SELENOO: variants seen among roughly 807,000 people sequenced by gnomAD.
The protein encoded by SELENOO is selenoprotein O.
Under a neutral mutation model 58.7 loss-of-function variants are expected in SELENOO, and 74 were observed. That is an observed-to-expected ratio of 1.26 (90% CI 1.04 to 1.53). The LOEUF is 1.53. Ranked by LOEUF, SELENOO falls within the 40% of genes most tolerant of loss-of-function variation. SELENOO has a pLI of 0.00. For synonymous variants in SELENOO, 543 were observed against 453.2 expected (o/e 1.20, Z -2.52); for missense variants, 1,149 against 970.0 (o/e 1.18, Z -2.45).
chr22:50,208,012 A>G (rs533556408), intron 2 of SELENOO, among the ~76,000 whole-genome samples: 7 of 151,196 alleles, frequency 4.6e-5, no homozygotes, highest in African/African-American at 1.7e-4. Context: ...GGGCCTGGTC[A>G]GTGGCTGGAT....
chr22:50,217,191 T>G lies in SELENOO; in HGVS notation c.1846-14T>G. The G allele has an allele frequency of 1.9e-6, 3 of 1,611,934 alleles. No homozygotes were observed. The highest frequency in any genetic ancestry group is 2.5e-6 in the Non-Finnish European group (3 of 1,179,152). The stretch of plus-strand genomic sequence containing the variant: ...GGTCGGCCCCAGACCCCTCTCACCC[T>G]CCTGATCCTCCAGGTGCGGCGGGTG... On this transcript the variant is annotated splice_polypyrimidine_tract_variant and intron_variant, in intron 8 of 8. Transcript: ENST00000380903.
intron 1 of SELENOO, among the ~76,000 whole-genome samples, chr22:50,202,861 G>C (rs1394884818): frequency 6.6e-6 from 1 of 152,162 alleles, no homozygotes; most frequent in Non-Finnish European, 1.5e-5. Flanking sequence ...CCAAGATTGA[G>C]GCTAACGTCT....
chr22:50,201,081 C>G lies in SELENOO; in HGVS notation c.45C>G (p.Ala15=). The G allele has an allele frequency of 2.2e-6, 3 of 1,366,844 alleles. No homozygotes were observed. The highest frequency in any genetic ancestry group is 2.8e-6 in the Non-Finnish European group (3 of 1,059,832). 84.7% of individuals were successfully genotyped at this position (1,366,844 alleles called of 1,614,324 possible). A position where few individuals can be genotyped will look rare whatever the true frequency, so the allele number is the denominator to read the frequency against. ...RAALGASLAA[A]RLLPLGRCSP... ...CGCTCGGGGCTTCGCTCGCGGCTGC[C>G]CGACTCTTGCCCCTCGGTCGCTGTT... is the stretch of plus-strand genomic sequence containing the variant. The change falls in exon 1 of 9, where the codon GCC becomes GCG. Residue 15 remains alanine, a synonymous_variant. Coordinates refer to ENST00000380903, the MANE Select transcript of SELENOO (RefSeq NM_031454.2).
chr22:50,215,630 GGGGGT>G, intron 5 of SELENOO, 82 bp from the exon 6 acceptor site: 1 of 1,204,644 alleles, frequency 8.3e-7, no homozygotes, highest in Non-Finnish European at 1.1e-6. Context: ...CCTGTGCCAG[GGGGGT>G]GGGGGGGGGG....
At chr22:50,213,089 C>T (rs906748516) in intron 5 of SELENOO, among the ~76,000 whole-genome samples, 1 of 152,174 alleles carries the variant, frequency 6.6e-6, no homozygotes, top group Non-Finnish European at 1.5e-5. Flanking sequence ...TAGACGGAGT[C>T]TTACTCTGTC....
chr22:50,208,365 G>A, intron 2 of SELENOO, 171 bp from the exon 3 acceptor site: 3 of 551,298 alleles, frequency 5.4e-6, no homozygotes, highest in South Asian at 4.6e-5. Flanking sequence ...AGAAGTTGGA[G>A]GTTGTGGTGA....
At position 50,210,170 on chromosome 22, in the gene SELENOO, T is replaced by G. The variant is rs2064358218; in HGVS notation, c.940-11T>G. 8 of 1,612,148 alleles carry G rather than the reference T, an allele frequency of 5.0e-6. No individual in the cohort carries two copies. The highest frequency in any genetic ancestry group is 1.7e-4 in the Middle Eastern group (1 of 5,982). On this transcript the variant is annotated splice_polypyrimidine_tract_variant and intron_variant, in intron 3 of 8. Transcript: ENST00000380903. ...CCCCGAGGAGGGAGCAAGCACACTG[T>G]CCCACCCCAGGTGACGCGGCGCACG...
chr22:50,210,501 C>T, intron 4 of SELENOO, 130 bp from the exon 5 acceptor site: 1 of 1,425,510 alleles, frequency 7.0e-7, no homozygotes, highest in Admixed American at 1.9e-5. Flanking sequence ...GAGACAGGAC[C>T]CCTGTGGGAC....
At chr22:50,216,948 T>G (rs1223281449) in intron 7 of SELENOO, 24 bp from the exon 8 acceptor site, 2 of 1,604,966 alleles carry the variant, frequency 1.2e-6, no homozygotes, top group African/African-American at 2.7e-5. Context: ...CGGCTGTGAC[T>G]CCAGAGCCCG....
At chr22:50,210,105 G>C in intron 3 of SELENOO, 76 bp from the exon 4 acceptor site, 1 of 1,543,918 alleles carries the variant, frequency 6.5e-7, no homozygotes, top group Non-Finnish European at 8.8e-7. Flanking sequence ...CGGTTTCAGG[G>C]AGGGGAAGGA....
In SELENOO at chr22:50,208,647, CT is replaced by C; in HGVS notation, c.874del (p.Tyr292ThrfsTer23). 6.2e-7 allele frequency: 1 copy of C among 1,613,894 alleles called. No homozygotes were observed. Among genetic ancestry groups the C allele is most frequent in the African/African-American group, 1.3e-5 (1 of 75,048 alleles). On this transcript the variant is annotated frameshift_variant, in exon 3 of 9. Coordinates refer to ENST00000380903, the MANE Select transcript of SELENOO (RefSeq NM_031454.2). LOFTEE classifies it high-confidence loss of function. ...VQLLDYVISS[F>X]YPEIQAAHAS... ...AGCTGCTCGACTATGTCATCAGCTC[CT>C]TTTACCCCGAGATCCAGGCTGCTCA...
At chr22:50,207,227 A>T (rs1320657025) in intron 2 of SELENOO, among the ~76,000 whole-genome samples, 55 of 151,680 alleles carry the variant, frequency 3.6e-4, no homozygotes, top group Admixed American at 3.6e-3. Flanking sequence ...GGTTCAAGCG[A>T]TTCTCCTACC....
intron 3 of SELENOO, 103 bp downstream of exon 3, chr22:50,208,819 A>C: frequency 8.6e-7 from 1 of 1,157,558 alleles, no homozygotes; most frequent in Admixed American, 2.1e-5. Context: ...GCTTTTACCC[A>C]GCCTCCCCGC....
At chr22:50,210,443 G>T (rs557528322) in intron 4 of SELENOO, 132 bp downstream of exon 4, 1 of 1,356,546 alleles carries the variant, frequency 7.4e-7, no homozygotes, top group East Asian at 2.4e-5. Flanking sequence ...GCTGATGTAG[G>T]AAGTAGAGAG....
chr22:50,215,359 G>C (rs1439299181), intron 5 of SELENOO, among the ~76,000 whole-genome samples: 2 of 152,060 alleles, frequency 1.3e-5, no homozygotes, highest in East Asian at 3.8e-4. Context: ...TGGAGGCTGA[G>C]GAGTGGGGTG....
At chr22:50,206,909 C>T (rs1426603449) in intron 2 of SELENOO, among the ~76,000 whole-genome samples, 1 of 152,140 alleles carries the variant, frequency 6.6e-6, no homozygotes. Context: ...GAGGGGGTCC[C>T]TGAGCCTGAG....
chr22:50,215,167 A>G (rs941630045), intron 5 of SELENOO, among the ~76,000 whole-genome samples: 3 of 152,176 alleles, frequency 2.0e-5, no homozygotes, highest in African/African-American at 7.2e-5. Flanking sequence ...AGTGTCTGTC[A>G]CAAGTTGGGC....
intron 1 of SELENOO, among the ~76,000 whole-genome samples, chr22:50,204,138 G>T (rs2064318185): frequency 6.6e-6 from 1 of 152,142 alleles, no homozygotes; most frequent in African/African-American, 2.4e-5. Context: ...AACTACAGTG[G>T]GACAGCACCT....
At chr22:50,214,299 C>T (rs2064391256) in intron 5 of SELENOO, among the ~76,000 whole-genome samples, 1 of 152,152 alleles carries the variant, frequency 6.6e-6, no homozygotes, top group Non-Finnish European at 1.5e-5. Context: ...GAGCACCTTT[C>T]CCGGCCCTTC....
Sources: allele counts gnomAD v4.1 joint callset (sites outside exome capture counted in the v4.1 genomes callset), GRCh38; gene constraint gnomAD v4.1.1; transcripts MANE v1.5; gene names NCBI Gene and HGNC (gene_info 2026-07-23, HGNC 2026-07-21).